Variants in SH2D4B observed in about 807,000 individuals in gnomAD.
The protein encoded by SH2D4B is SH2 domain containing 4B, also known as SH2 domain-containing protein 4B.
In SH2D4B, 45 loss-of-function variants were observed where a neutral mutation model predicts 61.5. The ratio of observed to expected loss-of-function variants is 0.73; its 90% CI spans 0.58 to 0.94. The LOEUF (loss-of-function observed/expected upper bound fraction) is 0.94, where lower values mean the gene tolerates loss of function less well. Ranked by LOEUF, SH2D4B falls within the 40% of genes least tolerant of loss-of-function variation. SH2D4B has a pLI of 0.00. For missense variants in SH2D4B, 572 were observed against 574.2 expected (o/e 1.00, Z 0.04); for synonymous variants, 224 against 220.4 (o/e 1.02, Z -0.14).
chr10:80,560,223 G>A (rs1054944737), intron 1 of SH2D4B, among the ~76,000 whole-genome samples: 3 of 151,868 alleles, frequency 2.0e-5, no homozygotes, highest in African/African-American at 4.8e-5. Flanking sequence ...TCCTGACCTC[G>A]TGATCCACCT....
At position 80,600,520 on chromosome 10, in the gene SH2D4B, C is replaced by CGTGTGTGTGTGTGTGTGTGT. The variant is rs769408150; in HGVS notation, c.644-3059_644-3058insGTGTGTGTGTGTGTGTGTGT. Reference sequence around the variant, plus strand: ...GTGGTGGAGCTACAGTGCAGAGTGGCATGTGTGTGTGTGTGTGTGTGTGTG... The same window carrying CGTGTGTGTGTGTGTGTGTGT: ...GTGGTGGAGCTACAGTGCAGAGTGGCGTGTGTGTGTGTGTGTGTGTATGTGTGTGTGTGTGTGTGTGTGTG... On this transcript the variant is annotated intron_variant, in intron 4 of 7. Transcript: ENST00000646907. Among the ~76,000 whole-genome samples the CGTGTGTGTGTGTGTGTGTGT allele has an allele frequency of 1.4e-3, 192 of 133,708 alleles. 2 individuals carry two copies. The highest frequency in any genetic ancestry group is 5.1e-3 in the African/African-American group (175 of 34,542). The allele number at this position is 133,708 out of a possible 152,430, so 87.7% of individuals were successfully genotyped here.
Position 80,568,520 on chromosome 10 carries a change from C to T in SH2D4B, c.185-1634C>T, listed in dbSNP as rs189803387. Among the ~76,000 whole-genome samples the T allele has an allele frequency of 3.8e-3, 578 of 152,226 alleles. 5 individuals carry two copies. Among genetic ancestry groups the T allele is most frequent in the African/African-American group, 0.013 (559 of 41,532 alleles). On this transcript the variant is annotated intron_variant, in intron 1 of 7. Coordinates refer to ENST00000646907, the MANE Select transcript of SH2D4B (RefSeq NM_001388272.1). ...CTGCGGGGCTTGGTCAGTGATGCTC[C>T]TTGTGGTTGAAGGTGGACGGAGCAC...
chr10:80,557,145 T>A (rs1160771022), intron 1 of SH2D4B, among the ~76,000 whole-genome samples: 2 of 152,148 alleles, frequency 1.3e-5, no homozygotes, highest in African/African-American at 2.4e-5. Context: ...ACTACTGAGA[T>A]GATCATAATT....
intron 1 of SH2D4B, among the ~76,000 whole-genome samples, chr10:80,551,436 T>G (rs1488873501): frequency 6.6e-6 from 1 of 152,116 alleles, no homozygotes; most frequent in Non-Finnish European, 1.5e-5. Flanking sequence ...AGAAAAATAT[T>G]TGCAACATAT....
At chr10:80,625,726 C>G (rs1223696795) in intron 6 of SH2D4B, among the ~76,000 whole-genome samples, 1 of 151,990 alleles carries the variant, frequency 6.6e-6, no homozygotes, top group Non-Finnish European at 1.5e-5. Context: ...GCCTGCACAC[C>G]ATGCCTGGCT....
chr10:80,609,482 AAGG>A lies in SH2D4B; in HGVS notation c.925_927del (p.Glu309del). On this transcript the variant is annotated inframe_deletion, in exon 6 of 8. Coordinates refer to ENST00000646907, the MANE Select transcript of SH2D4B (RefSeq NM_001388272.1). ...CAGAGATGTCATCGTCCGCTGGTTT[AAGG>A]AGGAGCAGCTGCCTCGCCGAGCTGG... The A allele has an allele frequency of 6.2e-7, 1 of 1,614,156 alleles. No homozygotes were observed. Among genetic ancestry groups the A allele is most frequent in the Non-Finnish European group, 8.5e-7 (1 of 1,180,028 alleles).
At position 80,568,656 on chromosome 10, in the gene SH2D4B, T is replaced by G. The variant is rs182075376; in HGVS notation, c.185-1498T>G. ...TCCTGTGCTCTGTCATACAAAACCT[T>G]TAAAAATCCCATCTCTTGCAATGTC... On this transcript the variant is annotated intron_variant, in intron 1 of 7. Coordinates refer to ENST00000646907, the MANE Select transcript of SH2D4B (RefSeq NM_001388272.1). Among the ~76,000 whole-genome samples the G allele has an allele frequency of 5.4e-4, 83 of 152,300 alleles. 1 individual carries two copies. The highest frequency in any genetic ancestry group is 1.9e-3 in the African/African-American group (77 of 41,566).
At chr10:80,561,076 G>A (rs1354852384) in intron 1 of SH2D4B, among the ~76,000 whole-genome samples, 2 of 152,168 alleles carry the variant, frequency 1.3e-5, no homozygotes, top group Non-Finnish European at 2.9e-5. Context: ...TGAGTGTTTT[G>A]AGAAAAGCAT....
intron 1 of SH2D4B, among the ~76,000 whole-genome samples, chr10:80,547,395 A>G (rs1157704102): frequency 6.6e-6 from 1 of 152,146 alleles, no homozygotes; most frequent in East Asian, 1.9e-4. Context: ...GTTAGTTCCA[A>G]CAGCTTTTTG....
rs781520459 is a variant in SH2D4B at position 80,588,582 on chromosome 10, TG to T, written c.496-47del. The stretch of plus-strand genomic sequence containing the variant: ...CAGAGATATTTCTTTCTCGTTTCTC[TG>T]AAGTGTTGTGGTCATCTCGTGTTGT... On this transcript the variant is annotated intron_variant, in intron 3 of 7. Coordinates refer to ENST00000646907, the MANE Select transcript of SH2D4B (RefSeq NM_001388272.1). The T allele has an allele frequency of 6.9e-6, 11 of 1,600,880 alleles. No homozygotes were observed. The Admixed American group carries it at 1.7e-4, about 24-fold the overall frequency.
In SH2D4B at chr10:80,543,453, G is replaced by A. The variant is rs540564077; in HGVS notation, c.184+4938G>A. 9.2e-5 allele frequency among the ~76,000 whole-genome samples: 14 copies of A among 152,294 alleles called. No individual in the cohort carries two copies. In the South Asian group the frequency reaches 1.4e-3, roughly 16 times the overall value. ...CGGGCCTTAGCTGCCTTCCCGCGGC[G>A]CAGGGCTCGGGACCTGCAGCCCTCC... On this transcript the variant is annotated intron_variant, in intron 1 of 7. Coordinates refer to ENST00000646907, the MANE Select transcript of SH2D4B (RefSeq NM_001388272.1).
At chr10:80,643,918 C>T (rs1840350904) in intron 7 of SH2D4B, 75 bp from the exon 8 acceptor site, 1 of 1,138,964 alleles carries the variant, frequency 8.8e-7, no homozygotes, top group Non-Finnish European at 1.3e-6. Flanking sequence ...CTGTCTTGAA[C>T]CACTCTCTCT....
At chr10:80,587,152 T>TG (rs1564775946) in intron 3 of SH2D4B, among the ~76,000 whole-genome samples, 2 of 62,394 alleles carry the variant, frequency 3.2e-5, no homozygotes, top group African/African-American at 3.8e-4. Flanking sequence ...TTTTGTTTTG[T>TG]TTTTTTTTTT....
intron 5 of SH2D4B, among the ~76,000 whole-genome samples, chr10:80,604,050 G>C (rs1455126594): frequency 6.6e-6 from 1 of 152,212 alleles, no homozygotes; most frequent in Non-Finnish European, 1.5e-5. Flanking sequence ...TCTGAAGAAA[G>C]CGGTGTACCT....
intron 1 of SH2D4B, among the ~76,000 whole-genome samples, chr10:80,543,343 G>C (rs1030260368): frequency 2.6e-5 from 4 of 152,220 alleles, no homozygotes; most frequent in Non-Finnish European, 5.9e-5. Context: ...CACTCGGAGC[G>C]GCCGGCCACC....
rs779708978 is a variant in SH2D4B at position 80,609,424 on chromosome 10, C to A, written c.861C>A (p.Ser287Arg). ...GLPQPLALPV[S>R]RTWERPLRPV... ...CCCTCCCCACTTTCTTTCTCTTCAG[C>A]AGGACCTGGGAGCGCCCGCTGCGCC... The change falls in exon 6 of 8, where the codon AGC (serine) becomes AGA (arginine). Residue 287 changes from serine (S) to arginine (R), a missense_variant and splice_region_variant. Ser to Arg is a moderately radical substitution (Grantham distance 110). Transcript: ENST00000646907. 44 of 1,613,152 alleles carry A rather than the reference C, an allele frequency of 2.7e-5. No individual in the cohort carries two copies. Among genetic ancestry groups the A allele is most frequent in the Non-Finnish European group, 3.6e-5 (43 of 1,179,518 alleles).
At chr10:80,578,229 C>A (rs1469593071) in intron 3 of SH2D4B, among the ~76,000 whole-genome samples, 1 of 152,150 alleles carries the variant, frequency 6.6e-6, no homozygotes, top group Non-Finnish European at 1.5e-5. Flanking sequence ...TGTCAACTTT[C>A]CAAAGTGAGA....
chr10:80,643,898 C>T, intron 7 of SH2D4B, 95 bp from the exon 8 acceptor site: 1 of 757,626 alleles, frequency 1.3e-6, no homozygotes, highest in South Asian at 2.6e-5. Context: ...AATGCATATT[C>T]TTAGTTTCTC....
chr10:80,571,452 C>T lies in SH2D4B; in HGVS notation c.369C>T (p.Ile123=), dbSNP rs146352763. The stretch of plus-strand genomic sequence containing the variant: ...GTAGGAGACAGAAGGAGGCAGAGAT[C>T]ACCAAGAAGTTCCGGGATGCTCTGG... The part of the protein sequence containing the change: ...EELWRQKEAE[I]TKKFRDALAN... Residue 123 remains isoleucine (I), a synonymous_variant, in exon 3 of 8, where the codon ATC becomes ATT. Transcript: ENST00000646907. 554 of 1,614,026 alleles carry T rather than the reference C, an allele frequency of 3.4e-4. 2 individuals are homozygous for T. The African/African-American group carries it at 6.5e-3, about 19-fold the overall frequency.
Sources: allele counts gnomAD v4.1 joint callset (sites outside exome capture counted in the v4.1 genomes callset), GRCh38; gene constraint gnomAD v4.1.1; transcripts MANE v1.5; gene names NCBI Gene and HGNC (gene_info 2026-07-23, HGNC 2026-07-21).